Variants in COL24A1 observed in about 807,000 individuals in gnomAD.
COL24A1 encodes the protein collagen type XXIV alpha 1 chain, also known as collagen alpha-1(XXIV) chain.
COL24A1 carries 224 observed loss-of-function variants against 253.9 expected under a neutral mutation model. The observed-to-expected ratio is 0.88, with a 90% CI of 0.79 to 0.99. The LOEUF (loss-of-function observed/expected upper bound fraction) is 0.99. Among genes scored for constraint, COL24A1 ranks in the 50% least tolerant of loss-of-function variants. The pLI, the probability that COL24A1 is intolerant of heterozygous loss-of-function variation, is 0.00. For missense variants in COL24A1, 2,131 were observed against 2,068.5 expected, an observed-to-expected ratio of 1.03 and a Z score of -0.59; for synonymous variants, 685 against 673.7, an observed-to-expected ratio of 1.02 and a Z score of -0.26.
chr1:86,120,695 G>A (rs1706660581), intron 3 of COL24A1, among the ~76,000 whole-genome samples: 1 of 152,220 alleles, frequency 6.6e-6, no homozygotes, highest in African/African-American at 2.4e-5. Flanking sequence ...CTGTTGATGG[G>A]AGTGTAAACT....
intron 28 of COL24A1, 92 bp from the exon 29 acceptor site, chr1:85,896,501 A>ATTT: frequency 5.7e-5 from 52 of 905,808 alleles, no homozygotes; most frequent in African/African-American, 1.0e-4. Context: ...CATGTTGATG[A>ATTT]TTTTTTTTTT....
intron 3 of COL24A1, among the ~76,000 whole-genome samples, chr1:86,123,735 T>C (rs1164268102): frequency 3.3e-5 from 5 of 151,998 alleles, no homozygotes; most frequent in Admixed American, 6.6e-5. Context: ...TTAATTGTCA[T>C]AGTTGAAGAG....
intron 53 of COL24A1, among the ~76,000 whole-genome samples, chr1:85,767,376 A>G (rs1263822812): frequency 1.3e-5 from 2 of 152,184 alleles, no homozygotes; most frequent in Non-Finnish European, 2.9e-5. Context: ...ACAAACTGGT[A>G]GAATGTACTG....
intron 2 of COL24A1, among the ~76,000 whole-genome samples, chr1:86,139,181 G>GC (rs999437975): frequency 1.1e-3 from 167 of 151,000 alleles, no homozygotes; most frequent in Middle Eastern, 3.4e-3. Flanking sequence ...AAGGAGAAAG[G>GC]GGGGGGAGAG....
At chr1:85,810,532 G>A (rs1337526802) in intron 47 of COL24A1, among the ~76,000 whole-genome samples, 2 of 152,042 alleles carry the variant, frequency 1.3e-5, no homozygotes, top group Admixed American at 6.6e-5. Flanking sequence ...TTGGATATTT[G>A]TCCCTGCCCA....
chr1:85,961,907 G>A (rs1691119871), intron 23 of COL24A1, among the ~76,000 whole-genome samples: 1 of 152,022 alleles, frequency 6.6e-6, no homozygotes, highest in African/African-American at 2.4e-5. Flanking sequence ...TTCCCACTAG[G>A]TCCCTCCTCC....
chr1:85,775,531 C>T, intron 53 of COL24A1, 143 bp downstream of exon 53: 1 of 665,500 alleles, frequency 1.5e-6, no homozygotes, highest in Non-Finnish European at 2.6e-6. Flanking sequence ...TCGGTTAATT[C>T]TACTTCCTGA....
At chr1:86,028,765 G>C (rs999121183) in intron 14 of COL24A1, among the ~76,000 whole-genome samples, 4 of 152,190 alleles carry the variant, frequency 2.6e-5, no homozygotes, top group Admixed American at 2.6e-4. Flanking sequence ...TATTTTTACT[G>C]AGTACTTTTA....
chr1:86,147,955 G>A (rs996691012), intron 1 of COL24A1, among the ~76,000 whole-genome samples: 1 of 152,080 alleles, frequency 6.6e-6, no homozygotes, highest in African/African-American at 2.4e-5. Flanking sequence ...GCAATCACTG[G>A]GCCTCACCCC....
chr1:85,759,481 T>C (rs1260340335), intron 55 of COL24A1, among the ~76,000 whole-genome samples: 1 of 152,172 alleles, frequency 6.6e-6, no homozygotes, highest in East Asian at 1.9e-4. Context: ...AGATGTCTGC[T>C]CTAGAAATCT....
At chr1:85,938,248 A>G (rs1254261284) in intron 24 of COL24A1, among the ~76,000 whole-genome samples, 2 of 147,048 alleles carry the variant, frequency 1.4e-5, no homozygotes, top group Non-Finnish European at 1.5e-5. Flanking sequence ...ATCACTCTCA[A>G]TGTCCCAGTG....
chr1:85,881,400 C>T (rs977965537), intron 32 of COL24A1, among the ~76,000 whole-genome samples: 2 of 151,748 alleles, frequency 1.3e-5, no homozygotes, highest in Admixed American at 1.3e-4. Context: ...GGGCCGATCA[C>T]GAGGTCAGGA....
intron 14 of COL24A1, among the ~76,000 whole-genome samples, chr1:86,028,126 T>C (rs1698223303): frequency 6.6e-6 from 1 of 152,188 alleles, no homozygotes; most frequent in African/African-American, 2.4e-5. Context: ...CTAACTGCTT[T>C]CAATTTTACA....
chr1:85,823,726 C>T lies in COL24A1; in HGVS notation c.3694G>A (p.Val1232Ile), dbSNP rs751790438. 12 of 1,613,564 alleles carry T rather than the reference C, an allele frequency of 7.4e-6. No homozygotes were observed. The highest frequency in any genetic ancestry group is 4.0e-5 in the African/African-American group (3 of 74,892). ...CCAGTGGCACCTCTTAGTCCTGGTA[C>T]ACCCACATGGCCCTAGAAATAGAAA... ...GAEGYKGHVGVPGLRGATGQQ... is the reference protein window; with the variant it reads ...GAEGYKGHVGIPGLRGATGQQ... The change falls in exon 44 of 60, where the codon GTA becomes ATA. Residue 1232 changes from valine to isoleucine, a missense_variant. Transcript: ENST00000370571.
intron 55 of COL24A1, 67 bp from the exon 56 acceptor site, chr1:85,745,573 G>A (rs1301431913): frequency 1.7e-6 from 2 of 1,152,082 alleles, no homozygotes; most frequent in Non-Finnish European, 2.5e-6. Flanking sequence ...AGTAAAGGCT[G>A]TAAATTCTGA....
chr1:85,879,704 G>C (rs1681602672), intron 32 of COL24A1, among the ~76,000 whole-genome samples: 1 of 152,094 alleles, frequency 6.6e-6, no homozygotes, highest in Non-Finnish European at 1.5e-5. Flanking sequence ...AAAGAATACT[G>C]TATTCTTAAG....
chr1:85,908,708 C>A, intron 26 of COL24A1, 57 bp from the exon 27 acceptor site: 1 of 721,918 alleles, frequency 1.4e-6, no homozygotes. Flanking sequence ...AAATTATTTT[C>A]ATTGAAGACA....
At chr1:86,059,021 T>A in intron 9 of COL24A1, 100 bp downstream of exon 9, 2 of 704,726 alleles carry the variant, frequency 2.8e-6, no homozygotes, top group Non-Finnish European at 4.5e-6. Flanking sequence ...TATTCATTAT[T>A]TAATAAAAAA....
At chr1:85,841,663 T>C (rs1419361190) in intron 41 of COL24A1, among the ~76,000 whole-genome samples, 1 of 152,086 alleles carries the variant, frequency 6.6e-6, no homozygotes, top group Non-Finnish European at 1.5e-5. Flanking sequence ...GAGCCTGGGG[T>C]GGGAGGATTG....
Sources: allele counts gnomAD v4.1 joint callset (sites outside exome capture counted in the v4.1 genomes callset), GRCh38; gene constraint gnomAD v4.1.1; transcripts MANE v1.5; gene names NCBI Gene and HGNC (gene_info 2026-07-23, HGNC 2026-07-21).